The following TPCN1 variants were observed in gnomAD, a reference collection of about 807,000 sequenced individuals.
The protein encoded by TPCN1 is two pore segment channel 1.
A neutral mutation model predicts 108.8 loss-of-function variants in TPCN1; 52 were observed. The ratio of observed to expected loss-of-function variants is 0.48; its 90% confidence interval spans 0.38 to 0.60. The LOEUF is 0.60. Ranked by LOEUF, TPCN1 falls within the 20% of genes least tolerant of loss-of-function variation. The pLI, the probability that TPCN1 is intolerant of heterozygous loss-of-function variation, is 0.00. For missense variants in TPCN1, 806 were observed against 1,072.8 expected (o/e 0.75, Z 3.47); for synonymous variants, 446 against 433.7 (o/e 1.03, Z -0.35).
chr12:113,289,501 C>T lies in TPCN1; in HGVS notation c.1797-627C>T, dbSNP rs1237143027. On this transcript the variant is annotated intron_variant, in intron 21 of 27. Coordinates refer to ENST00000335509, the MANE Select transcript of TPCN1 (RefSeq NM_017901.6). This position sits in a 1 kb window ranked among gnomAD's most constrained non-coding sequence, Gnocchi z 4.1. The stretch of plus-strand genomic sequence containing the variant: ...TAGCAGTGGGTCCCAGACTTTAGAG[C>T]CCATTGCAGTCACCAGGGAGCTTAG... Among the ~76,000 whole-genome samples, 1 of 152,170 alleles carries T rather than the reference C, an allele frequency of 6.6e-6. No individual in the cohort carries two copies. The highest frequency in any genetic ancestry group is 1.5e-5 in the Non-Finnish European group (1 of 68,036).
At position 113,288,797 on chromosome 12, in the gene TPCN1, C is replaced by T; in HGVS notation, c.1746C>T (p.Ala582=). The change falls in exon 21 of 28, where the codon GCC becomes GCT. Residue 582 remains alanine (A), a synonymous_variant. Coordinates refer to ENST00000335509, the MANE Select transcript of TPCN1 (RefSeq NM_017901.6). The surrounding 1 kb of genome is among the most constrained non-coding windows in gnomAD (Gnocchi z 4.8). The stretch of plus-strand genomic sequence containing the variant: ...TGCTCATCTTTTACTACTCCTTCGC[C>T]ATCGTGGGCATGGAGTTCTTCTGCG... ...LTLLIFYYSF[A]IVGMEFFCGI... is the part of the protein sequence containing the mutation. 1 of 1,613,522 alleles carries T rather than the reference C, an allele frequency of 6.2e-7. No homozygotes were observed.
At chr12:113,278,039 C>CCCCCAGCA in intron 12 of TPCN1, 150 bp from the exon 13 acceptor site, 1 of 602,934 alleles carries the variant, frequency 1.7e-6, no homozygotes, top group South Asian at 1.9e-5. Flanking sequence ...GGTAAAGGAT[C>CCCCCAGCA]CCCCAGCACT....
intron 27 of TPCN1, among the ~76,000 whole-genome samples, chr12:113,295,032 T>C (rs1247842221): frequency 3.9e-5 from 6 of 152,218 alleles, no homozygotes; most frequent in Non-Finnish European, 8.8e-5. Flanking sequence ...AGTGGCTCAC[T>C]GAACTTGGTG....
At chr12:113,263,110 T>A in intron 3 of TPCN1, among the ~76,000 whole-genome samples, 1 of 152,236 alleles carries the variant, frequency 6.6e-6, no homozygotes, top group East Asian at 1.9e-4. Context: ...CAAAAATTGT[T>A]TAAATATTAA....
At chr12:113,244,782 G>A (rs1011143903) in intron 2 of TPCN1, 23 of 982,484 alleles carry the variant, frequency 2.3e-5, no homozygotes, top group Non-Finnish European at 2.8e-5. Context: ...CTGGGAGCAC[G>A]GTTGGCACTG....
At chr12:113,287,265 T>C in intron 19 of TPCN1, 171 bp downstream of exon 19, 1 of 612,084 alleles carries the variant, frequency 1.6e-6, no homozygotes. Flanking sequence ...CCTGAGGGTG[T>C]GCAGGCTGCC....
intron 2 of TPCN1, chr12:113,250,112 G>C (rs1189673009): frequency 6.6e-6 from 1 of 152,174 alleles, no homozygotes; most frequent in Non-Finnish European, 1.5e-5. Flanking sequence ...GCTAGATTTG[G>C]GGGCTGCAGT....
Position 113,269,874 on chromosome 12 carries a change from C to T in TPCN1, c.748+29C>T, listed in dbSNP as rs78394743. On this transcript the variant is annotated intron_variant, in intron 7 of 27. Coordinates refer to ENST00000335509, the MANE Select transcript of TPCN1 (RefSeq NM_017901.6). This position sits in a 1 kb window ranked among gnomAD's most constrained non-coding sequence, Gnocchi z 5.0. ...AGTTCCCGCCTCTCAGGCCCAGGTG[C>T]GCTGGAAAAGCAAGTTCACGGTGGA... 13,266 of 1,609,314 alleles carry T rather than the reference C, an allele frequency of 8.2e-3. 681 individuals carry two copies. The East Asian group carries it at 0.16, about 19-fold the overall frequency.
Position 113,266,314 on chromosome 12 carries a change from G to A in TPCN1, c.372G>A (p.Leu124=). The change falls in exon 4 of 28, where the codon CTG becomes CTA. Residue 124 remains leucine, a synonymous_variant. Transcript: ENST00000335509. This position sits in a 1 kb window ranked among gnomAD's most constrained non-coding sequence, Gnocchi z 4.2. ...ATALLLLLLS[L]CEAPAVPALR... is the part of the protein sequence containing the mutation. ...CCCTGCTGCTGCTGCTGCTCTCCCT[G>A]TGCGAGGCCCCCGCCGTCCCCGCAC... 1.2e-6 allele frequency: 2 copies of A among 1,611,876 alleles called. No homozygotes were observed. The highest frequency in any genetic ancestry group is 2.2e-5 in the East Asian group (1 of 44,862).
chr12:113,281,248 C>G (rs1955877812), intron 15 of TPCN1, among the ~76,000 whole-genome samples: 1 of 152,060 alleles, frequency 6.6e-6, no homozygotes, highest in Non-Finnish European at 1.5e-5. Context: ...CCATGTTGAC[C>G]AGGATGGTCT....
In TPCN1 at chr12:113,260,445, G is replaced by A. The variant is rs199561096; in HGVS notation, c.190G>A (p.Ala64Thr). Reference sequence around the variant, plus strand: ...GGGTGAGAGTTCCCCCTCCAGCCCCGCACACAACTGGGAGATGAATTACCA... The same window carrying A: ...GGGTGAGAGTTCCCCCTCCAGCCCCACACACAACTGGGAGATGAATTACCA... ...SGGESSPSSP[A>T]HNWEMNYQEA... is the part of the protein sequence containing the mutation. Residue 64 changes from alanine to threonine, a missense_variant, in exon 3 of 28, where the codon GCA (alanine) becomes ACA (threonine). Transcript: ENST00000335509. 2.4e-5 allele frequency: 38 copies of A among 1,561,254 alleles called. No homozygotes were observed. The highest frequency in any genetic ancestry group is 3.6e-5 in the South Asian group (3 of 83,740).
chr12:113,269,481 TCTG>T lies in TPCN1; in HGVS notation c.660-270_660-268del, dbSNP rs1955407496. On this transcript the variant is annotated intron_variant, in intron 6 of 27. Coordinates refer to ENST00000335509, the MANE Select transcript of TPCN1 (RefSeq NM_017901.6). This position sits in a 1 kb window ranked among gnomAD's most constrained non-coding sequence, Gnocchi z 5.0. ...GCACCCAAGGTCATGCCCTTGGCCT[TCTG>T]CTGCTCTGTTCCCTGCTTGCATGGC... Among the ~76,000 whole-genome samples, 1 of 152,176 alleles carries T rather than the reference TCTG, an allele frequency of 6.6e-6. No individual in the cohort carries two copies. The highest frequency in any genetic ancestry group is 6.5e-5 in the Admixed American group (1 of 15,282).
intron 3 of TPCN1, among the ~76,000 whole-genome samples, chr12:113,264,545 G>A (rs1955173057): frequency 6.6e-6 from 1 of 152,000 alleles, no homozygotes; most frequent in Admixed American, 6.6e-5. Context: ...CAGGTGTGGT[G>A]GTGCACGCCT....
In TPCN1 at chr12:113,296,381, T is replaced by A; in HGVS notation, c.*305T>A. The stretch of plus-strand genomic sequence containing the variant: ...CCTGGATCCAGTCGACTGCGGGGCT[T>A]GCCCCTCATGTGGGCTGGCCTCCAT... On this transcript the variant is annotated 3_prime_UTR_variant, in exon 28 of 28. Transcript: ENST00000335509. 2.8e-6 allele frequency: 1 copy of A among 352,868 alleles called. No homozygotes were observed. Among genetic ancestry groups the A allele is most frequent in the Non-Finnish European group, 5.2e-6 (1 of 191,764 alleles). The allele number at this position is 352,868 out of a possible 1,614,324, so 21.9% of individuals were successfully genotyped here. A position where few individuals can be genotyped will look rare whatever the true frequency, so the allele number is the denominator to read the frequency against.
Position 113,233,722 on chromosome 12 carries a change from G to A in TPCN1, c.112+6758G>A, listed in dbSNP as rs79759708. ...GTTGAGCCCTCGCCGTGTGTCAGGC[G>A]GTATCCAAAGCACTTTTGTGCTGCT... On this transcript the variant is annotated intron_variant, in intron 2 of 27. Transcript: ENST00000335509. Among the ~76,000 whole-genome samples, 1,801 of 152,300 alleles carry A rather than the reference G, an allele frequency of 0.012. 69 individuals are homozygous for A. The East Asian group carries it at 0.15, about 13-fold the overall frequency.
intron 3 of TPCN1, among the ~76,000 whole-genome samples, chr12:113,261,447 C>A (rs1955031950): frequency 2.7e-5 from 3 of 109,682 alleles, no homozygotes; most frequent in African/African-American, 1.1e-4. Flanking sequence ...TTTTTGGAGA[C>A]AGTCTCACTC....
At position 113,268,695 on chromosome 12, in the gene TPCN1, C is replaced by T. The variant is rs373396662; in HGVS notation, c.529-47C>T. 8.8e-5 allele frequency: 142 copies of T among 1,606,100 alleles called. No individual in the cohort carries two copies. The highest frequency in any genetic ancestry group is 6.7e-4 in the Admixed American group (40 of 59,842). On this transcript the variant is annotated intron_variant, in intron 5 of 27. Transcript: ENST00000335509. The surrounding 1 kb of genome is among the most constrained non-coding windows in gnomAD (Gnocchi z 7.3). ...CCCCCGTTCCAGGTATGCAGGATGA[C>T]GGCTGGGCTGCAGGGGCTGACGGTG...
intron 3 of TPCN1, among the ~76,000 whole-genome samples, chr12:113,262,425 AAAG>A (rs1259988590): frequency 5.3e-5 from 8 of 152,220 alleles, no homozygotes; most frequent in South Asian, 2.1e-4. Flanking sequence ...AAAAAAAAAA[AAAG>A]ATTTAATGAA....
intron 1 of TPCN1, among the ~76,000 whole-genome samples, chr12:113,226,228 T>A (rs1047068790): frequency 2.6e-5 from 4 of 151,968 alleles, no homozygotes; most frequent in East Asian, 1.9e-4. Context: ...CCAATTTTTT[T>A]AAAAATTGAG....
Sources: allele counts gnomAD v4.1 joint callset (sites outside exome capture counted in the v4.1 genomes callset), GRCh38; gene constraint gnomAD v4.1.1; non-coding constraint Gnocchi (gnomAD v3.1); transcripts MANE v1.5; gene names NCBI Gene and HGNC (gene_info 2026-07-23, HGNC 2026-07-21).